NLN: variants seen among roughly 807,000 people sequenced by gnomAD.
NLN encodes the protein neurolysin, mitochondrial.
NLN carries 64 observed loss-of-function variants against 79.9 expected under a neutral mutation model. That is an observed-to-expected ratio of 0.80 (90% CI 0.65 to 0.99). NLN has a LOEUF of 0.99. Among genes scored for constraint, NLN ranks in the 50% least tolerant of loss-of-function variants. NLN has a pLI of 0.00. For missense variants in NLN, 835 were observed against 858.7 expected (o/e 0.97, Z 0.34); for synonymous variants, 267 against 296.6 (o/e 0.90, Z 1.02).
chr5:65,818,796 G>A (rs1321653462), intron 12 of NLN: 3 of 152,182 alleles, frequency 2.0e-5, no homozygotes, highest in Admixed American at 1.3e-4. Context: ...CTGCCGCTCA[G>A]TGTAGGAAGG....
chr5:65,797,698 G>A (rs926568231), intron 9 of NLN, among the ~76,000 whole-genome samples: 4 of 152,224 alleles, frequency 2.6e-5, no homozygotes, highest in Admixed American at 2.0e-4. Context: ...CCATATGTAC[G>A]TGAAGTATTC....
chr5:65,749,869 T>C (rs1759064865), intron 1 of NLN, among the ~76,000 whole-genome samples: 1 of 152,218 alleles, frequency 6.6e-6, no homozygotes, highest in Non-Finnish European at 1.5e-5. Context: ...CTGCTCCCTA[T>C]GGAAAGAACT....
intron 6 of NLN, among the ~76,000 whole-genome samples, chr5:65,785,122 C>G (rs1759888869): frequency 6.6e-6 from 1 of 152,142 alleles, no homozygotes; most frequent in Non-Finnish European, 1.5e-5. Context: ...ATAAATAATG[C>G]TGCTGTGGAC....
chr5:65,783,294 AT>A (rs958541893), intron 6 of NLN, among the ~76,000 whole-genome samples: 94 of 151,860 alleles, frequency 6.2e-4, no homozygotes, highest in African/African-American at 2.0e-3. Context: ...TTTTACCACA[AT>A]TTTTTTTTAA....
At chr5:65,764,980 A>G (rs982862746) in intron 3 of NLN, among the ~76,000 whole-genome samples, 5 of 152,346 alleles carry the variant, frequency 3.3e-5, no homozygotes, top group African/African-American at 1.2e-4. Context: ...ATAAATGGTA[A>G]AACTTATCCC....
chr5:65,739,000 T>TC (rs1758810069), intron 1 of NLN, among the ~76,000 whole-genome samples: 3 of 141,354 alleles, frequency 2.1e-5, no homozygotes, highest in African/African-American at 7.9e-5. Context: ...ATATATATTT[T>TC]ATAATATATA....
chr5:65,802,382 G>GC (rs1179428444), intron 9 of NLN, among the ~76,000 whole-genome samples: 1 of 152,202 alleles, frequency 6.6e-6, no homozygotes, highest in East Asian at 1.9e-4. Flanking sequence ...CGTACCACAA[G>GC]CAGCTTTCAC....
intron 1 of NLN, chr5:65,722,625 G>C: frequency 3.7e-6 from 2 of 533,396 alleles, no homozygotes; most frequent in African/African-American, 2.0e-5. Context: ...TCGGGAGGAC[G>C]TCCATTCCTC....
intron 1 of NLN, among the ~76,000 whole-genome samples, chr5:65,727,133 C>T (rs1758490826): frequency 6.6e-6 from 1 of 152,136 alleles, no homozygotes. Flanking sequence ...AAAAATCACT[C>T]ACTCCCTTGG....
chr5:65,824,633 C>A lies in NLN; in HGVS notation c.*1718C>A, dbSNP rs1760878016. 1 of 152,250 alleles carries A rather than the reference C, an allele frequency of 6.6e-6. No homozygotes were observed. The highest frequency in any genetic ancestry group is 2.1e-4 in the South Asian group (1 of 4,830). 9.4% of individuals were successfully genotyped at this position (152,250 alleles called of 1,614,324 possible). On this transcript the variant is annotated 3_prime_UTR_variant, in exon 13 of 13. Transcript: ENST00000380985. ...CTTGAAATCTTATTTCATAGAAAAA[C>A]TAAATTGGTGTGGAAAGGCTGCACA... is the stretch of plus-strand genomic sequence containing the variant.
In NLN at chr5:65,776,826, A is replaced by G. The variant is rs1042154468; in HGVS notation, c.451-601A>G. On this transcript the variant is annotated intron_variant, in intron 3 of 12. Transcript: ENST00000380985. ...CTTTCCTCCACTTTGTGCAGTGCTG[A>G]CTCATTTTCCCCAGATACTTGTTCC... Among the ~76,000 whole-genome samples the G allele has an allele frequency of 2.0e-5, 3 of 152,066 alleles. No individual in the cohort carries two copies. In the East Asian group the frequency reaches 5.8e-4, roughly 29 times the overall value.
At chr5:65,797,417 T>C (rs561972533) in intron 9 of NLN, among the ~76,000 whole-genome samples, 1 of 152,354 alleles carries the variant, frequency 6.6e-6, no homozygotes, top group African/African-American at 2.4e-5. Flanking sequence ...TTGTCTGCTC[T>C]AAATATTTGG....
At chr5:65,758,984 A>G (rs40107) in intron 2 of NLN, among the ~76,000 whole-genome samples, 158 bp downstream of exon 2, 79,565 of 152,008 alleles carry the variant, frequency 0.52, 21,126 homozygotes, top group South Asian at 0.57. Flanking sequence ...GTTTATGTTG[A>G]CAAAGGTGCT....
At chr5:65,801,440 A>C (rs1258931991) in intron 9 of NLN, among the ~76,000 whole-genome samples, 1 of 152,258 alleles carries the variant, frequency 6.6e-6, no homozygotes, top group Admixed American at 6.5e-5. Flanking sequence ...GGACATACAC[A>C]GTGGCTGACT....
chr5:65,764,971 T>C (rs759583302), intron 3 of NLN, among the ~76,000 whole-genome samples: 4 of 152,256 alleles, frequency 2.6e-5, no homozygotes, highest in Non-Finnish European at 4.4e-5. Flanking sequence ...GACACTTTAA[T>C]AAATGGTAAA....
intron 1 of NLN, among the ~76,000 whole-genome samples, chr5:65,728,355 C>T (rs986507477): frequency 3.9e-5 from 6 of 151,964 alleles, no homozygotes; most frequent in African/African-American, 7.3e-5. Context: ...GATTAATATA[C>T]GCCTTTAGAA....
In NLN at chr5:65,788,160, G is replaced by C. The variant is rs565801382; in HGVS notation, c.1001G>C (p.Arg334Pro). The C allele has an allele frequency of 6.2e-7, 1 of 1,613,974 alleles. No individual in the cohort carries two copies. ...QKLKPLGEAE[R>P]EFILNLKKKE... The stretch of plus-strand genomic sequence containing the variant: ...TTAAAACCCTTGGGTGAAGCAGAAC[G>C]AGAGTTTATTTTGAATTTGAAGAAA... Residue 334 changes from arginine (R) to proline (P), a missense_variant, in exon 8 of 13, where the codon CGA (arginine) becomes CCA (proline). Transcript: ENST00000380985.
At position 65,780,238 on chromosome 5, in the gene NLN, CA is replaced by C; in HGVS notation, c.620del (p.Asn207MetfsTer25). 1 of 1,492,758 alleles carries C rather than the reference CA, an allele frequency of 6.7e-7. No homozygotes were observed. The highest frequency in any genetic ancestry group is 9.3e-7 in the Non-Finnish European group (1 of 1,079,470). 92.5% of individuals were successfully genotyped at this position (1,492,758 alleles called of 1,614,324 possible). A position where few individuals can be genotyped will look rare whatever the true frequency, so the allele number is the denominator to read the frequency against. On this transcript the variant is annotated frameshift_variant, in exon 5 of 13. Coordinates refer to ENST00000380985, the MANE Select transcript of NLN (RefSeq NM_020726.5). LOFTEE classifies it high-confidence loss of function. ...TATGTATTGATTTTAACAAAAACCT[CA>C]ATGAGGATGATACCTTCCTTGTATT... The part of the protein sequence containing the change: ...ELCIDFNKNL[N>X]EDDTFLVFSK...
In NLN at chr5:65,777,485, T is replaced by C; in HGVS notation, c.509T>C (p.Ile170Thr). The C allele has an allele frequency of 6.2e-7, 1 of 1,613,314 alleles. No homozygotes were observed. The highest frequency in any genetic ancestry group is 8.5e-7 in the Non-Finnish European group (1 of 1,179,392). The change falls in exon 4 of 13, where the codon ATT becomes ACT. Residue 170 changes from isoleucine to threonine, a missense_variant. Coordinates refer to ENST00000380985, the MANE Select transcript of NLN (RefSeq NM_020726.5). ...GCCAGACGATACTTGGAAAAGTCAA[T>C]TAAAATGGGGAAAAGAAATGGGCTC... ...PEARRYLEKS[I>T]KMGKRNGLHL...
Sources: allele counts gnomAD v4.1 joint callset (sites outside exome capture counted in the v4.1 genomes callset), GRCh38; gene constraint gnomAD v4.1.1; transcripts MANE v1.5; gene names NCBI Gene and HGNC (gene_info 2026-07-23, HGNC 2026-07-21).